The following CALN1 variants were observed in gnomAD, a reference collection of about 807,000 sequenced individuals.
The protein encoded by CALN1 is calneuron 1, also known as calcium-binding protein 8.
In CALN1, 17 loss-of-function variants were observed where a neutral mutation model predicts 30.6. That is an observed-to-expected ratio of 0.56 (90% CI 0.38 to 0.83). The LOEUF (loss-of-function observed/expected upper bound fraction) is 0.83. Among genes scored for constraint, CALN1 ranks in the 40% least tolerant of loss-of-function variants. The probability of loss-of-function intolerance (pLI) is 0.00; values close to 1 mark genes in which losing one functional copy is unlikely to be tolerated. For missense variants in CALN1, 291 were observed against 354.9 expected (o/e 0.82, Z 1.45); for synonymous variants, 156 against 131.4 (o/e 1.19, Z -1.28).
intron 3 of CALN1, among the ~76,000 whole-genome samples, chr7:72,240,053 G>A (rs1180828826): frequency 1.3e-5 from 2 of 152,134 alleles, no homozygotes; most frequent in Admixed American, 6.6e-5. Context: ...CAATCCTGGA[G>A]AGAATCCTAG....
intron 2 of CALN1, among the ~76,000 whole-genome samples, chr7:72,312,802 T>C (rs1585446934): frequency 6.6e-6 from 1 of 151,512 alleles, no homozygotes; most frequent in Admixed American, 6.6e-5. Flanking sequence ...AATTTTAAAA[T>C]AGAAGAGAGA....
chr7:72,474,410 G>A, the CALN1 span, among the ~76,000 whole-genome samples: 1 of 152,134 alleles, frequency 6.6e-6, no homozygotes, highest in African/African-American at 2.4e-5. Context: ...CAGGGACCAG[G>A]TGCAGAGGCT....
intron 3 of CALN1, among the ~76,000 whole-genome samples, chr7:72,192,594 A>G (rs577094369): frequency 9.9e-5 from 15 of 151,768 alleles, no homozygotes; most frequent in African/African-American, 3.4e-4. Flanking sequence ...CCGCTAAAAT[A>G]CCCTAGGCAA....
chr7:72,462,602 TG>T, the CALN1 span, among the ~76,000 whole-genome samples: 1 of 152,160 alleles, frequency 6.6e-6, no homozygotes, highest in African/African-American at 2.4e-5. Context: ...CCAAATGGGC[TG>T]GGGGGACAAT....
intron 5 of CALN1, among the ~76,000 whole-genome samples, chr7:71,965,181 C>T (rs985639535): frequency 6.6e-6 from 1 of 152,048 alleles, no homozygotes; most frequent in Admixed American, 6.6e-5. Context: ...GCACATGTCA[C>T]CCCACCCAGC....
intron 6 of CALN1, among the ~76,000 whole-genome samples, chr7:71,789,005 G>A (rs1233147556): frequency 3.3e-5 from 5 of 152,030 alleles, no homozygotes; most frequent in African/African-American, 1.2e-4. Context: ...GTCTTGCTAT[G>A]TTGCCCAGTA....
the CALN1 span, among the ~76,000 whole-genome samples, chr7:72,468,687 T>G: frequency 1.3e-3 from 195 of 152,228 alleles, no homozygotes; most frequent in Non-Finnish European, 6.0e-4. Flanking sequence ...CCACCTGCAA[T>G]GTACAATGGG....
At chr7:72,297,356 T>C (rs1798936758) in intron 2 of CALN1, among the ~76,000 whole-genome samples, 4 of 152,056 alleles carry the variant, frequency 2.6e-5, no homozygotes, top group Admixed American at 2.6e-4. Context: ...AAACAGATAA[T>C]TTGAAAAAGC....
chr7:72,237,864 A>C (rs1380755575), intron 3 of CALN1, among the ~76,000 whole-genome samples: 1 of 152,226 alleles, frequency 6.6e-6, no homozygotes, highest in African/African-American at 2.4e-5. Context: ...AGTGCCCCAG[A>C]AATGTTACCA....
intron 4 of CALN1, among the ~76,000 whole-genome samples, chr7:72,026,049 C>T (rs1801031367): frequency 6.6e-6 from 1 of 152,186 alleles, no homozygotes. Context: ...TATCATCCAA[C>T]AAGATAAGTC....
At chr7:72,447,978 G>GCA (rs4029788), upstream of CALN1, among the ~76,000 whole-genome samples, 1,146 of 142,570 alleles carry the variant, frequency 8.0e-3, 10 homozygotes, top group East Asian at 0.026. Flanking sequence ...GCCTGCCCAT[G>GCA]CACACACACA....
At chr7:72,094,324 A>G (rs6946230) in intron 4 of CALN1, among the ~76,000 whole-genome samples, 34,549 of 151,956 alleles carry the variant, frequency 0.23, 4,871 homozygotes, top group East Asian at 0.69. Flanking sequence ...GCACAATCTC[A>G]GCTCACTGCA....
chr7:72,272,600 T>G (rs1797070441), intron 3 of CALN1, among the ~76,000 whole-genome samples: 1 of 152,086 alleles, frequency 6.6e-6, no homozygotes, highest in Non-Finnish European at 1.5e-5. Flanking sequence ...AATATTAATT[T>G]TGAGACATGC....
chr7:72,182,728 C>G (rs1316251554), intron 3 of CALN1, among the ~76,000 whole-genome samples: 1 of 71,154 alleles, frequency 1.4e-5, no homozygotes, highest in Non-Finnish European at 3.9e-5. Flanking sequence ...TCCAACAAAA[C>G]AAAAAATGAA....
intron 2 of CALN1, among the ~76,000 whole-genome samples, chr7:72,286,222 A>G (rs2129554551): frequency 6.6e-6 from 1 of 152,252 alleles, no homozygotes; most frequent in East Asian, 1.9e-4. Context: ...GCAGGCAATC[A>G]CCCTTCTGAC....
At chr7:72,348,381 A>T (rs946010274) in intron 2 of CALN1, among the ~76,000 whole-genome samples, 1 of 152,226 alleles carries the variant, frequency 6.6e-6, no homozygotes, top group Non-Finnish European at 1.5e-5. Context: ...AACAGAACAC[A>T]GGGGTCTCAC....
At chr7:72,317,514 C>T (rs1220805558) in intron 2 of CALN1, among the ~76,000 whole-genome samples, 6 of 152,162 alleles carry the variant, frequency 3.9e-5, no homozygotes, top group South Asian at 2.1e-4. Context: ...TGGCTGGCCC[C>T]ACCAGAGAAC....
intron 3 of CALN1, among the ~76,000 whole-genome samples, chr7:72,181,104 C>A (rs1204447473): frequency 7.4e-5 from 7 of 94,582 alleles, no homozygotes; most frequent in Admixed American, 5.2e-4. Flanking sequence ...TAACCCCCCC[C>A]CCCCCCAAAA....
At chr7:71,877,690 CACTT>C (rs10533921) in intron 5 of CALN1, among the ~76,000 whole-genome samples, 17,183 of 151,636 alleles carry the variant, frequency 0.11, 1,400 homozygotes, top group East Asian at 0.43. Context: ...CAGATATAAA[CACTT>C]AATGTCACAA....
Sources: allele counts gnomAD v4.1 joint callset (sites outside exome capture counted in the v4.1 genomes callset), GRCh38; gene constraint gnomAD v4.1.1; transcripts MANE v1.5; gene names NCBI Gene and HGNC (gene_info 2026-07-23, HGNC 2026-07-21).